Variants in BCL2 observed in about 807,000 individuals in gnomAD.
The protein encoded by BCL2 is BCL2 apoptosis regulator.
BCL2 carries 1 observed loss-of-function variant against 14.2 expected under a neutral mutation model. The ratio of observed to expected loss-of-function variants is 0.07; its 90% confidence interval spans 0.02 to 0.33. The LOEUF (loss-of-function observed/expected upper bound fraction) is 0.33, where lower values mean the gene tolerates loss of function less well. Ranked by LOEUF, BCL2 falls within the 10% of genes least tolerant of loss-of-function variation. The pLI is 0.99. For synonymous variants in BCL2, 151 were observed against 137.2 expected (o/e 1.10, Z -0.70); for missense variants, 247 against 305.9 (o/e 0.81, Z 1.44).
At chr18:63,173,836 G>T (rs1915287198) in intron 2 of BCL2, among the ~76,000 whole-genome samples, 1 of 152,174 alleles carries the variant, frequency 6.6e-6, no homozygotes, top group African/African-American at 2.4e-5. Flanking sequence ...ATCTTAGGGG[G>T]ATGAAAACCA....
chr18:63,313,375 GAAAGAGAA>G (rs1913397073), intron 2 of BCL2, among the ~76,000 whole-genome samples: 1 of 152,202 alleles, frequency 6.6e-6, no homozygotes, highest in Non-Finnish European at 1.5e-5. Flanking sequence ...CAAGAGGGAT[GAAAGAGAA>G]AATTCACAGT....
At chr18:63,264,424 C>T (rs1911756752) in intron 2 of BCL2, among the ~76,000 whole-genome samples, 1 of 152,056 alleles carries the variant, frequency 6.6e-6, no homozygotes, top group Admixed American at 6.5e-5. Flanking sequence ...TATGAGATGA[C>T]CTACCTCAAT....
chr18:63,184,709 TA>T (rs1425192597), intron 2 of BCL2, among the ~76,000 whole-genome samples: 1 of 152,210 alleles, frequency 6.6e-6, no homozygotes, highest in Non-Finnish European at 1.5e-5. Flanking sequence ...AAGGCTTCTG[TA>T]AACTGTTGAA....
intron 2 of BCL2, among the ~76,000 whole-genome samples, chr18:63,251,296 A>C (rs1388988802): frequency 6.6e-6 from 1 of 152,082 alleles, no homozygotes; most frequent in Non-Finnish European, 1.5e-5. Context: ...ATATTGGAAC[A>C]GTCCTTGGAA....
At chr18:63,196,667 A>C (rs1423247102) in intron 2 of BCL2, among the ~76,000 whole-genome samples, 1 of 152,238 alleles carries the variant, frequency 6.6e-6, no homozygotes, top group Non-Finnish European at 1.5e-5. Context: ...GCATCAAGAA[A>C]GAACCGTGCG....
chr18:63,140,158 C>T lies in BCL2; in HGVS notation c.586-11399G>A, dbSNP rs1399438132. 2.6e-5 allele frequency among the ~76,000 whole-genome samples: 4 copies of T among 152,086 alleles called. No individual in the cohort carries two copies. In the East Asian group the frequency reaches 7.7e-4, roughly 29 times the overall value. On this transcript the variant is annotated intron_variant, in intron 2 of 2. Coordinates refer to ENST00000333681, the MANE Select transcript of BCL2 (RefSeq NM_000633.3). Reference sequence around the variant, plus strand: ...AAAAATAGATAATAACAAGTGTTGGCAAGGATGTTGAGAAATTGAAACCCC... The same window carrying T: ...AAAAATAGATAATAACAAGTGTTGGTAAGGATGTTGAGAAATTGAAACCCC...
intron 2 of BCL2, among the ~76,000 whole-genome samples, chr18:63,135,207 G>A (rs1914178901): frequency 6.6e-6 from 1 of 152,150 alleles, no homozygotes. Flanking sequence ...TAGAATGCTG[G>A]CAAGCAGCTG....
In BCL2 at chr18:63,126,600, C is replaced by T. The variant is rs1461441372; in HGVS notation, c.*2025G>A. 2 of 229,010 alleles carry T rather than the reference C, an allele frequency of 8.7e-6. No homozygotes were observed. Among genetic ancestry groups the T allele is most frequent in the Admixed American group, 1.1e-4 (2 of 17,626 alleles). The allele number at this position is 229,010 out of a possible 1,614,324, so 14.2% of individuals were successfully genotyped here. The stretch of plus-strand genomic sequence containing the variant: ...ACAATTCTGTTGACGTGGAAATGCA[C>T]ATGACTTGGTTGAAACAAAGCTCCT... On this transcript the variant is annotated 3_prime_UTR_variant, in exon 3 of 3. Transcript: ENST00000333681.
intron 2 of BCL2, among the ~76,000 whole-genome samples, chr18:63,138,237 G>T (rs1914262614): frequency 6.6e-6 from 1 of 152,238 alleles, no homozygotes; most frequent in Non-Finnish European, 1.5e-5. Context: ...CAGAGCACAC[G>T]CAAGGAAGTG....
At chr18:63,162,958 G>A (rs755090893) in intron 2 of BCL2, among the ~76,000 whole-genome samples, 33 of 152,144 alleles carry the variant, frequency 2.2e-4, no homozygotes, top group Non-Finnish European at 4.6e-4. Flanking sequence ...AGGATCAAGT[G>A]ATCCTCTTGC....
intron 2 of BCL2, among the ~76,000 whole-genome samples, chr18:63,245,206 C>T (rs1020487131): frequency 3.3e-5 from 5 of 152,196 alleles, no homozygotes; most frequent in Admixed American, 3.3e-4. Flanking sequence ...AAATAAACTA[C>T]TCAGGCCACA....
intron 2 of BCL2, among the ~76,000 whole-genome samples, chr18:63,277,613 T>C (rs1274649812): frequency 6.7e-6 from 1 of 148,316 alleles, no homozygotes; most frequent in Non-Finnish European, 1.5e-5. Flanking sequence ...TTAACCTTAG[T>C]AGATGACTAA....
chr18:63,256,015 GGAGA>G (rs140294443), intron 2 of BCL2, among the ~76,000 whole-genome samples: 24,023 of 152,030 alleles, frequency 0.16, 2,008 homozygotes, highest in Non-Finnish European at 0.18. Context: ...TCTTCCTTAA[GGAGA>G]GAAAGAATTT....
At chr18:63,213,627 T>C (rs955141653) in intron 2 of BCL2, among the ~76,000 whole-genome samples, 2 of 151,484 alleles carry the variant, frequency 1.3e-5, no homozygotes, top group Non-Finnish European at 2.9e-5. Flanking sequence ...TGTGAGTAAG[T>C]TCATAATTTA....
chr18:63,296,159 T>C (rs1479004831), intron 2 of BCL2, among the ~76,000 whole-genome samples: 5 of 152,242 alleles, frequency 3.3e-5, no homozygotes, highest in African/African-American at 1.2e-4. Context: ...CTATCATCTT[T>C]GGTACAGAAA....
At chr18:63,309,201 G>C (rs1913231850) in intron 2 of BCL2, among the ~76,000 whole-genome samples, 1 of 152,186 alleles carries the variant, frequency 6.6e-6, no homozygotes, top group African/African-American at 2.4e-5. Context: ...AACTAAGACA[G>C]CATCAGCAGT....
chr18:63,285,991 T>A (rs1008500199), intron 2 of BCL2, among the ~76,000 whole-genome samples: 2 of 152,156 alleles, frequency 1.3e-5, no homozygotes, highest in African/African-American at 4.8e-5. Flanking sequence ...CCTGGGAGGT[T>A]TTCAATGCCC....
At chr18:63,218,629 CCA>C (rs1304677037) in intron 2 of BCL2, among the ~76,000 whole-genome samples, 2 of 80,968 alleles carry the variant, frequency 2.5e-5, no homozygotes, top group African/African-American at 4.4e-5. Flanking sequence ...TCCACTCATC[CCA>C]TCCACTCATC....
At chr18:63,223,128 G>A (rs772634055) in intron 2 of BCL2, among the ~76,000 whole-genome samples, 17 of 152,180 alleles carry the variant, frequency 1.1e-4, no homozygotes, top group African/African-American at 3.9e-4. Context: ...AGGGCAGGGC[G>A]TGGTGGCTCA....
Sources: gnomAD v4.1 joint callset for allele counts (sites outside exome capture counted in the v4.1 genomes callset) on GRCh38, gnomAD v4.1.1 for gene constraint, MANE v1.5 for transcripts, NCBI Gene and HGNC (gene_info 2026-07-23, HGNC 2026-07-21) for gene names.